The following BLOC1S6 variants were observed in gnomAD, a reference collection of about 807,000 sequenced individuals.
BLOC1S6 encodes the protein biogenesis of lysosome-related organelles complex 1 subunit 6.
A neutral mutation model predicts 24.7 loss-of-function variants in BLOC1S6; 24 were observed. That is an observed-to-expected ratio of 0.97 (90% CI 0.70 to 1.37). The LOEUF (loss-of-function observed/expected upper bound fraction) is 1.37, where lower values mean the gene tolerates loss of function less well. Among genes scored for constraint, BLOC1S6 ranks in the 40% most tolerant of loss-of-function variants. The probability of loss-of-function intolerance (pLI) is 0.00; values close to 1 mark genes in which losing one functional copy is unlikely to be tolerated. For missense variants in BLOC1S6, 175 were observed against 196.2 expected (o/e 0.89, Z 0.64); for synonymous variants, 76 against 72.6 (o/e 1.05, Z -0.23).
At chr15:45,605,850 A>C in intron 4 of BLOC1S6, 1 of 306,766 alleles carries the variant, frequency 3.3e-6, no homozygotes. Context: ...TTGGCCTCCC[A>C]AAGTGCTGAG....
chr15:45,592,722 ATAACT>A (rs1377681282), intron 2 of BLOC1S6, among the ~76,000 whole-genome samples: 1 of 152,220 alleles, frequency 6.6e-6, no homozygotes, highest in Non-Finnish European at 1.5e-5. Flanking sequence ...TTCCCAGTAG[ATAACT>A]TTACTAGTAA....
intron 4 of BLOC1S6, 35 bp from the exon 5 acceptor site, chr15:45,606,360 G>C (rs1432402484): frequency 6.2e-7 from 1 of 1,611,176 alleles, no homozygotes; most frequent in Non-Finnish European, 8.5e-7. Flanking sequence ...ACCCCTGATT[G>C]CTCTCTTGGT....
intron 3 of BLOC1S6, among the ~76,000 whole-genome samples, chr15:45,603,568 G>A (rs572724652): frequency 6.6e-6 from 1 of 152,224 alleles, no homozygotes; most frequent in Admixed American, 6.5e-5. Flanking sequence ...TAGAAAAATA[G>A]TTGGGCATGG....
intron 2 of BLOC1S6, among the ~76,000 whole-genome samples, chr15:45,596,052 C>T (rs190157455): frequency 6.6e-6 from 1 of 152,186 alleles, no homozygotes; most frequent in Admixed American, 6.5e-5. Context: ...CCGCCTGCCT[C>T]GGCCTCCCAA....
At chr15:45,606,168 G>A (rs530051390) in intron 4 of BLOC1S6, among the ~76,000 whole-genome samples, 1 of 152,178 alleles carries the variant, frequency 6.6e-6, no homozygotes, top group East Asian at 1.9e-4. Context: ...TGGGCTGATA[G>A]GCTTAGATTC....
rs369519360 is a variant in BLOC1S6 at position 45,604,896 on chromosome 15, A to G, written c.313-532A>G. On this transcript the variant is annotated intron_variant, in intron 3 of 4. Coordinates refer to ENST00000220531, the MANE Select transcript of BLOC1S6 (RefSeq NM_012388.4). ...GTACTTAAGACTCCTCAAGAAGGAA[A>G]GTGTCCTCACAGAGATCATTCTGCT... Among the ~76,000 whole-genome samples, 9 of 152,320 alleles carry G rather than the reference A, an allele frequency of 5.9e-5. No homozygotes were observed. In the South Asian group the frequency reaches 1.7e-3, roughly 28 times the overall value.
chr15:45,601,241 G>A (rs1332781595), intron 2 of BLOC1S6: 2 of 154,382 alleles, frequency 1.3e-5, no homozygotes, highest in Non-Finnish European at 2.9e-5. Flanking sequence ...TAGCACAGCT[G>A]CAGTTGACTG....
At chr15:45,603,020 C>T in intron 2 of BLOC1S6, 80 bp from the exon 3 acceptor site, 1 of 901,068 alleles carries the variant, frequency 1.1e-6, no homozygotes, top group Non-Finnish European at 1.8e-6. Flanking sequence ...TTACCATTAA[C>T]CAAGATGAAT....
chr15:45,587,347 T>C, upstream of BLOC1S6: 1 of 1,228,636 alleles, frequency 8.1e-7, no homozygotes, highest in Non-Finnish European at 1.2e-6. Flanking sequence ...GGTGCGACAA[T>C]CTCTTCTGTC....
Position 45,587,378 on chromosome 15 carries a change from TA to T in BLOC1S6, c.-65del. 1 of 1,439,060 alleles carries T rather than the reference TA, an allele frequency of 6.9e-7. No individual in the cohort carries two copies. The highest frequency in any genetic ancestry group is 1.2e-5 in the South Asian group (1 of 81,416). The allele number at this position is 1,439,060 out of a possible 1,614,324, so 89.1% of individuals were successfully genotyped here. On this transcript the variant is annotated 5_prime_UTR_variant, in exon 1 of 5. Coordinates refer to ENST00000220531, the MANE Select transcript of BLOC1S6 (RefSeq NM_012388.4). Reference sequence around the variant, plus strand: ...CTGTCCGGCCAGCCGCTGGAGTCGTTAGGTGCCGCCTTGCTTCTGACGAGCC... The same window carrying T: ...CTGTCCGGCCAGCCGCTGGAGTCGTTGGTGCCGCCTTGCTTCTGACGAGCC...
intron 1 of BLOC1S6, 130 bp downstream of exon 1, chr15:45,587,655 C>G: frequency 1.0e-6 from 1 of 954,246 alleles, no homozygotes; most frequent in Non-Finnish European, 1.6e-6. Context: ...GGCCCTGCCC[C>G]GAGTGCAGAA....
At position 45,608,207 on chromosome 15, in the gene BLOC1S6, GT is replaced by G. The variant is rs1894548904; in HGVS notation, c.*1696del. ...GGGCTAAGAACTGGTTTGTTTAAAGGTTTAAATTGTTGGAAAAGAGCATTTG... is the reference window on the plus strand; with the variant it reads ...GGGCTAAGAACTGGTTTGTTTAAAGGTTAAATTGTTGGAAAAGAGCATTTG... On this transcript the variant is annotated 3_prime_UTR_variant, in exon 5 of 5. Coordinates refer to ENST00000220531, the MANE Select transcript of BLOC1S6 (RefSeq NM_012388.4). 1 of 152,640 alleles carries G rather than the reference GT, an allele frequency of 6.6e-6. No homozygotes were observed. Among genetic ancestry groups the G allele is most frequent in the African/African-American group, 2.4e-5 (1 of 41,450 alleles). 9.5% of individuals were successfully genotyped at this position (152,640 alleles called of 1,614,324 possible). A position where few individuals can be genotyped will look rare whatever the true frequency, so the allele number is the denominator to read the frequency against.
intron 3 of BLOC1S6, among the ~76,000 whole-genome samples, chr15:45,603,717 AAAAC>A (rs879576849): frequency 7.1e-4 from 108 of 152,316 alleles, no homozygotes; most frequent in East Asian, 2.1e-3. Flanking sequence ...CCTGTCTCAA[AAAAC>A]AAACAAACAA....
Position 45,607,318 on chromosome 15 carries a change from T to G in BLOC1S6, c.*804T>G, listed in dbSNP as rs1894508054. The G allele has an allele frequency of 6.6e-6, 1 of 152,244 alleles. No individual in the cohort carries two copies. Among genetic ancestry groups the G allele is most frequent in the Non-Finnish European group, 1.5e-5 (1 of 68,064 alleles). 9.4% of individuals were successfully genotyped at this position (152,244 alleles called of 1,614,324 possible). ...TGCTTCTTAGCGTCGTTGTCACTGC[T>G]TCTGTGGCTTTTGGGTTCAAAGTAG... On this transcript the variant is annotated 3_prime_UTR_variant, in exon 5 of 5. Transcript: ENST00000220531.
At chr15:45,587,663 G>A (rs1388010167) in intron 1 of BLOC1S6, 138 bp downstream of exon 1, 10 of 882,618 alleles carry the variant, frequency 1.1e-5, no homozygotes, top group East Asian at 2.6e-5. Context: ...CCCGAGTGCA[G>A]AAATGGGGAA....
Position 45,606,763 on chromosome 15 carries a change from A to T in BLOC1S6, c.*249A>T. On this transcript the variant is annotated 3_prime_UTR_variant, in exon 5 of 5. Coordinates refer to ENST00000220531, the MANE Select transcript of BLOC1S6 (RefSeq NM_012388.4). ...TTATTATTTTGATCTTGAATTATTTATAAACTGGAAAGTGGTTTGATTATT... is the reference window on the plus strand; with the variant it reads ...TTATTATTTTGATCTTGAATTATTTTTAAACTGGAAAGTGGTTTGATTATT... The T allele has an allele frequency of 2.0e-6, 1 of 490,024 alleles. No individual in the cohort carries two copies. The highest frequency in any genetic ancestry group is 3.0e-5 in the South Asian group (1 of 33,590). 30.4% of individuals were successfully genotyped at this position (490,024 alleles called of 1,614,324 possible). A position where few individuals can be genotyped will look rare whatever the true frequency, so the allele number is the denominator to read the frequency against.
chr15:45,597,323 T>A (rs1894115048), intron 2 of BLOC1S6, among the ~76,000 whole-genome samples: 1 of 151,944 alleles, frequency 6.6e-6, no homozygotes, highest in Non-Finnish European at 1.5e-5. Context: ...CAAAAAAATT[T>A]AAAAAGTCAG....
intron 2 of BLOC1S6, among the ~76,000 whole-genome samples, chr15:45,593,174 A>G (rs1893945523): frequency 6.6e-6 from 1 of 151,832 alleles, no homozygotes; most frequent in South Asian, 2.1e-4. Context: ...CGGGCGGATC[A>G]CTTGAGGTCG....
Position 45,605,527 on chromosome 15 carries a change from T to C in BLOC1S6, c.399+13T>C. 6.5e-7 allele frequency: 1 copy of C among 1,543,768 alleles called. No homozygotes were observed. The highest frequency in any genetic ancestry group is 1.4e-5 in the African/African-American group (1 of 73,512). On this transcript the variant is annotated intron_variant, in intron 4 of 4. Transcript: ENST00000220531. ...ATCAAAGTTAAAAGTGAGTTGAAAATTCTTTCACATTCTTTACAAAAGTAG... is the reference window on the plus strand; with the variant it reads ...ATCAAAGTTAAAAGTGAGTTGAAAACTCTTTCACATTCTTTACAAAAGTAG...
Sources: allele counts gnomAD v4.1 joint callset (sites outside exome capture counted in the v4.1 genomes callset), GRCh38; gene constraint gnomAD v4.1.1; transcripts MANE v1.5; gene names NCBI Gene and HGNC (gene_info 2026-07-23, HGNC 2026-07-21).